The following BORCS5 variants were observed in gnomAD, a reference collection of about 807,000 sequenced individuals.
BORCS5 encodes BLOC-1-related complex subunit 5.
A neutral mutation model predicts 22.1 loss-of-function variants in BORCS5; 17 were observed. The observed-to-expected ratio is 0.77, with a 90% confidence interval of 0.53 to 1.15. BORCS5 has a LOEUF of 1.15. Among genes scored for constraint, BORCS5 ranks in the 50% most tolerant of loss-of-function variants. The pLI is 0.00. For missense variants in BORCS5, 247 were observed against 253.2 expected (o/e 0.98, Z 0.17); for synonymous variants, 117 against 99.8 (o/e 1.17, Z -1.03).
intron 3 of BORCS5, among the ~76,000 whole-genome samples, chr12:12,442,394 C>T (rs1316431399): frequency 6.6e-6 from 1 of 152,142 alleles, no homozygotes; most frequent in Non-Finnish European, 1.5e-5. Flanking sequence ...TGTTACAGTT[C>T]CTGTGTGCTT....
rs1326510536 is a variant in BORCS5, at chr12:12,470,115, G to T, written c.*4339G>T. ...AGATGGAGTCTCGCTCTGTTGCCCA[G>T]GCTGGAGTGCAGTGGCACGATCTCG... On this transcript the variant is annotated 3_prime_UTR_variant, in exon 4 of 4. Transcript: ENST00000314565. Among the ~76,000 whole-genome samples, 4 of 152,168 alleles carry T rather than the reference G, an allele frequency of 2.6e-5. No homozygotes were observed. The highest frequency in any genetic ancestry group is 5.9e-5 in the Non-Finnish European group (4 of 68,038).
chr12:12,357,428 TCTG>T lies in BORCS5; in HGVS notation c.-19_-17del, dbSNP rs1565818092. On this transcript the variant is annotated 5_prime_UTR_variant, in exon 1 of 4. Transcript: ENST00000314565. ...CGGTGACCGCCCGGCCCGCCGTTCT[TCTG>T]CTGCCACCGCTGTCGGCACCATGGG... 2 of 1,603,782 alleles carry T rather than the reference TCTG, an allele frequency of 1.2e-6. No individual in the cohort carries two copies. The highest frequency in any genetic ancestry group is 2.7e-5 in the African/African-American group (2 of 74,750).
rs193072018 is a variant in BORCS5, at chr12:12,368,415, C to G, written c.202+7066C>G. On this transcript the variant is annotated intron_variant, in intron 2 of 3. Transcript: ENST00000314565. ...TGTAGCCATTAAGATGATTTTAAGT[C>G]TCTGTCATCAACTTCAACTTTTTTT... 9.9e-5 allele frequency among the ~76,000 whole-genome samples: 15 copies of G among 151,736 alleles called. No individual in the cohort carries two copies. The East Asian group carries it at 2.9e-3, about 29-fold the overall frequency.
At chr12:12,456,072 C>G (rs1942994013) in intron 3 of BORCS5, among the ~76,000 whole-genome samples, 1 of 152,200 alleles carries the variant, frequency 6.6e-6, no homozygotes, top group South Asian at 2.1e-4. Flanking sequence ...TCTTTTCTAA[C>G]TTAAAATAAG....
chr12:12,383,781 T>C (rs78306840), intron 2 of BORCS5, among the ~76,000 whole-genome samples: 6,216 of 151,190 alleles, frequency 0.041, 337 homozygotes, highest in Middle Eastern at 0.097. Flanking sequence ...TAGTTTGTGA[T>C]AAGTCCAAGT....
intron 2 of BORCS5, among the ~76,000 whole-genome samples, chr12:12,413,108 C>CTTTTT (rs140916578): frequency 0.057 from 1,174 of 20,632 alleles, 225 homozygotes; most frequent in African/African-American, 0.15. Flanking sequence ...GGTGATGACT[C>CTTTTT]TTTTTTTTTT....
chr12:12,431,016 G>A (rs1351996954), intron 2 of BORCS5, among the ~76,000 whole-genome samples: 2 of 152,118 alleles, frequency 1.3e-5, no homozygotes, highest in African/African-American at 2.4e-5. Context: ...TGCTGTTACA[G>A]TCACTGCTGC....
chr12:12,382,122 G>T (rs1314193742), intron 2 of BORCS5, among the ~76,000 whole-genome samples: 1 of 151,322 alleles, frequency 6.6e-6, no homozygotes, highest in Admixed American at 6.6e-5. Flanking sequence ...AATACCCGAG[G>T]CTGGGTAATT....
intron 1 of BORCS5, among the ~76,000 whole-genome samples, chr12:12,358,660 A>G (rs761451259): frequency 4.6e-5 from 7 of 152,222 alleles, no homozygotes; most frequent in Non-Finnish European, 7.3e-5. Flanking sequence ...GAATTTGCCT[A>G]TTCCCCTGTG....
At chr12:12,414,914 C>T (rs1476508124) in intron 2 of BORCS5, among the ~76,000 whole-genome samples, 2 of 143,638 alleles carry the variant, frequency 1.4e-5, no homozygotes, top group Non-Finnish European at 3.0e-5. Flanking sequence ...CCAGACAGGG[C>T]GGCGGGGCAG....
chr12:12,411,300 G>A (rs1369052455), intron 2 of BORCS5, among the ~76,000 whole-genome samples: 1 of 152,106 alleles, frequency 6.6e-6, no homozygotes, highest in Non-Finnish European at 1.5e-5. Context: ...CCTGTCTTGT[G>A]CCCGTTTTCA....
At position 12,470,007 on chromosome 12, in the gene BORCS5, C is replaced by T. The variant is rs147068873; in HGVS notation, c.*4231C>T. On this transcript the variant is annotated 3_prime_UTR_variant, in exon 4 of 4. Coordinates refer to ENST00000314565, the MANE Select transcript of BORCS5 (RefSeq NM_058169.6). ...GCCACAGACTGGTACCCATCTGTGG[C>T]GTGTGAGGAAGTGTGCTGCACAGCA... 1.1e-3 allele frequency among the ~76,000 whole-genome samples: 175 copies of T among 152,192 alleles called. 5 individuals carry two copies. Among genetic ancestry groups the T allele is most frequent in the East Asian group, 1.7e-3 (9 of 5,164 alleles).
intron 2 of BORCS5, among the ~76,000 whole-genome samples, chr12:12,386,465 TTTA>T (rs1452535202): frequency 2.0e-5 from 3 of 150,322 alleles, no homozygotes; most frequent in East Asian, 3.9e-4. Context: ...TTTTTTTTTT[TTTA>T]TTTGTTCTAG....
At chr12:12,405,512 T>C (rs1487802583) in intron 2 of BORCS5, among the ~76,000 whole-genome samples, 2 of 152,184 alleles carry the variant, frequency 1.3e-5, no homozygotes, top group African/African-American at 4.8e-5. Flanking sequence ...ATGATTATTT[T>C]TACTTTACTT....
At chr12:12,415,162 G>C (rs966077548) in intron 2 of BORCS5, among the ~76,000 whole-genome samples, 2 of 151,810 alleles carry the variant, frequency 1.3e-5, no homozygotes, top group African/African-American at 4.8e-5. Flanking sequence ...CTGGGCAGAG[G>C]CTGCAATCTC....
intron 3 of BORCS5, among the ~76,000 whole-genome samples, chr12:12,464,835 C>T (rs775294376): frequency 2.0e-5 from 3 of 151,338 alleles, no homozygotes; most frequent in African/African-American, 4.8e-5. Flanking sequence ...GTTGTAAGGA[C>T]GGGAGCCTTG....
At chr12:12,414,427 G>T (rs1162483814) in intron 2 of BORCS5, among the ~76,000 whole-genome samples, 1 of 102,978 alleles carries the variant, frequency 9.7e-6, no homozygotes, top group Non-Finnish European at 2.2e-5. Context: ...CTGGCCGGGC[G>T]GGGGGCTGAC....
At chr12:12,424,554 A>C (rs890261093) in intron 2 of BORCS5, among the ~76,000 whole-genome samples, 2 of 146,804 alleles carry the variant, frequency 1.4e-5, no homozygotes, top group Non-Finnish European at 3.0e-5. Context: ...CTGTTGGTTT[A>C]TATTTTTCCT....
intron 2 of BORCS5, among the ~76,000 whole-genome samples, chr12:12,393,439 C>T (rs1020694808): frequency 2.6e-5 from 4 of 151,882 alleles, no homozygotes; most frequent in Non-Finnish European, 5.9e-5. Flanking sequence ...GCTGTTGAGC[C>T]AGTTTTCCCA....
Sources: gnomAD v4.1 joint callset for allele counts (sites outside exome capture counted in the v4.1 genomes callset) on GRCh38, gnomAD v4.1.1 for gene constraint, MANE v1.5 for transcripts, NCBI Gene and HGNC (gene_info 2026-07-23, HGNC 2026-07-21) for gene names.